Variants in WDPCP observed in about 807,000 individuals in gnomAD.
The protein encoded by WDPCP is WD repeat containing planar cell polarity effector.
WDPCP carries 71 observed loss-of-function variants against 93.1 expected under a neutral mutation model. The ratio of observed to expected loss-of-function variants is 0.76; its 90% CI spans 0.63 to 0.93. The LOEUF is 0.93. Among genes scored for constraint, WDPCP ranks in the 40% least tolerant of loss-of-function variants. The pLI, the probability that WDPCP is intolerant of heterozygous loss-of-function variation, is 0.00. For synonymous variants in WDPCP, 315 were observed against 315.0 expected (o/e 1.00, Z 0.00); for missense variants, 844 against 887.4 (o/e 0.95, Z 0.62).
chr2:63,253,033 A>G (rs535926759), intron 14 of WDPCP, among the ~76,000 whole-genome samples: 2 of 152,314 alleles, frequency 1.3e-5, no homozygotes, highest in South Asian at 4.1e-4. Context: ...GTCTGCAGTA[A>G]CCAAAACAAC....
intron 12 of WDPCP, among the ~76,000 whole-genome samples, chr2:63,363,361 G>A (rs1305588180): frequency 6.6e-6 from 1 of 152,100 alleles, no homozygotes; most frequent in Admixed American, 6.6e-5. Context: ...CACTTTGGGA[G>A]GCAGAGTTAG....
At chr2:63,541,665 T>C (rs992483980) in intron 1 of WDPCP, among the ~76,000 whole-genome samples, 1 of 152,230 alleles carries the variant, frequency 6.6e-6, no homozygotes, top group Non-Finnish European at 1.5e-5. Context: ...CATTATTTAA[T>C]GTTAAAGGTA....
chr2:63,415,273 G>A (rs924657122), intron 9 of WDPCP, among the ~76,000 whole-genome samples: 2 of 152,146 alleles, frequency 1.3e-5, no homozygotes, highest in Non-Finnish European at 2.9e-5. Context: ...TGAGGTGGGA[G>A]GATCACTTGA....
At chr2:63,753,976 A>C (rs1041116297) in intron 2 of WDPCP, among the ~76,000 whole-genome samples, 5 of 152,202 alleles carry the variant, frequency 3.3e-5, no homozygotes, top group Admixed American at 2.6e-4. Flanking sequence ...AAAACCTGTA[A>C]GTGAAGGAGA....
chr2:63,342,187 A>G (rs1688891464), intron 12 of WDPCP, among the ~76,000 whole-genome samples: 1 of 152,254 alleles, frequency 6.6e-6, no homozygotes. Context: ...CTGGAGACAG[A>G]GCTCAAGTGG....
chr2:63,345,140 C>T (rs986012126), intron 12 of WDPCP, among the ~76,000 whole-genome samples: 15 of 152,206 alleles, frequency 9.9e-5, no homozygotes, highest in South Asian at 2.1e-4. Context: ...ATTTATAAAC[C>T]GCAGTGTGGC....
At chr2:63,545,353 C>G (rs1279788790) in intron 1 of WDPCP, among the ~76,000 whole-genome samples, 1 of 146,982 alleles carries the variant, frequency 6.8e-6, no homozygotes, top group Non-Finnish European at 1.5e-5. Context: ...GAGAGAGAGA[C>G]AGAGAGAGAG....
intron 3 of WDPCP, among the ~76,000 whole-genome samples, chr2:63,601,037 A>G (rs1389873314): frequency 6.6e-6 from 1 of 152,222 alleles, no homozygotes; most frequent in Non-Finnish European, 1.5e-5. Context: ...TGCCTGAAAC[A>G]GTTCTCACTG....
Position 63,236,188 on chromosome 2 carries a change from C to T in WDPCP, c.1915+23119G>A, listed in dbSNP as rs114512994. Among the ~76,000 whole-genome samples, 776 of 152,198 alleles carry T rather than the reference C, an allele frequency of 5.1e-3. 4 individuals carry two copies. The highest frequency in any genetic ancestry group is 0.017 in the African/African-American group (725 of 41,540). ...CAGTGCCATTTCTATATCCCAATAACGTTCAAGCTGAGAGCCAAGTCAAGA... is the reference window on the plus strand; with the variant it reads ...CAGTGCCATTTCTATATCCCAATAATGTTCAAGCTGAGAGCCAAGTCAAGA... On this transcript the variant is annotated intron_variant, in intron 14 of 17. Transcript: ENST00000272321.
At chr2:63,484,484 G>A in intron 6 of WDPCP, 120 bp downstream of exon 6, 1 of 1,085,754 alleles carries the variant, frequency 9.2e-7, no homozygotes, top group Admixed American at 2.0e-5. Context: ...TTCAAACTAT[G>A]AAATAACCAC....
chr2:63,509,813 A>G (rs1281741431), intron 1 of WDPCP, among the ~76,000 whole-genome samples: 1 of 152,224 alleles, frequency 6.6e-6, no homozygotes, highest in South Asian at 2.1e-4. Context: ...CTCTACACAA[A>G]TAAACTAGAA....
At chr2:63,391,676 G>A (rs1398841638) in intron 10 of WDPCP, among the ~76,000 whole-genome samples, 2 of 152,140 alleles carry the variant, frequency 1.3e-5, no homozygotes, top group Non-Finnish European at 2.9e-5. Context: ...AAGCTGATAA[G>A]CAATGTCAGC....
chr2:63,355,342 C>T (rs775850764), intron 12 of WDPCP, among the ~76,000 whole-genome samples: 19 of 152,036 alleles, frequency 1.2e-4, no homozygotes, highest in Admixed American at 2.6e-4. Flanking sequence ...TTCTTGTTTG[C>T]GCCAAGCTAA....
chr2:63,408,006 T>C (rs914791261), intron 9 of WDPCP, among the ~76,000 whole-genome samples: 1 of 152,142 alleles, frequency 6.6e-6, no homozygotes, highest in Admixed American at 6.5e-5. Context: ...CCAGGCCTCC[T>C]TGTTTGCAAA....
At chr2:63,512,979 G>A (rs1702332505) in intron 1 of WDPCP, among the ~76,000 whole-genome samples, 1 of 151,948 alleles carries the variant, frequency 6.6e-6, no homozygotes, top group African/African-American at 2.4e-5. Flanking sequence ...AATGATGAAA[G>A]GAAATCCTAC....
At chr2:63,272,987 A>C (rs1183959168) in intron 13 of WDPCP, among the ~76,000 whole-genome samples, 1 of 152,198 alleles carries the variant, frequency 6.6e-6, no homozygotes, top group Non-Finnish European at 1.5e-5. Context: ...CAGAATTCTA[A>C]AAACAGCAAG....
At chr2:63,653,886 T>G (rs372501500) in intron 2 of WDPCP, among the ~76,000 whole-genome samples, 1 of 134,804 alleles carries the variant, frequency 7.4e-6, no homozygotes, top group Non-Finnish European at 1.5e-5. Flanking sequence ...CTCCAGCCTG[T>G]GCAACAGAGC....
rs140348638 is a variant in WDPCP, at chr2:63,214,570, A to G, written c.1916-39738T>C. Among the ~76,000 whole-genome samples, 323 of 152,248 alleles carry G rather than the reference A, an allele frequency of 2.1e-3. 2 individuals carry two copies. The highest frequency in any genetic ancestry group is 7.2e-3 in the African/African-American group (300 of 41,558). On this transcript the variant is annotated intron_variant, in intron 14 of 17. Coordinates refer to ENST00000272321, the MANE Select transcript of WDPCP (RefSeq NM_015910.7). ...CCCTTTGAAAACTGGCACAAGACAG[A>G]GATGCCCTCTCTCACCACTCCTATT...
rs141761524 is a variant in WDPCP at position 63,486,586 on chromosome 2, G to A, written c.209C>T (p.Ala70Val). Residue 70 changes from alanine to valine, a missense_variant and splice_region_variant, in exon 4 of 18, where the codon GCG becomes GTG. Ala to Val is a moderately conservative substitution (Grantham distance 64). Coordinates refer to ENST00000272321, the MANE Select transcript of WDPCP (RefSeq NM_015910.7). Reference protein sequence around the residue: ...YQYYDKKDPPATEHGNLEKKQ... With the variant: ...YQYYDKKDPPVTEHGNLEKKQ... The stretch of plus-strand genomic sequence containing the variant: ...CTTTTCTAAGTTACCATGCTCTGTC[G>A]CTGATATTGTGGCAGAAGGGATAGA... 38 of 1,573,354 alleles carry A rather than the reference G, an allele frequency of 2.4e-5. 1 individual carries two copies. The African/African-American group carries it at 2.7e-4, about 11-fold the overall frequency.
Sources: gnomAD v4.1 joint callset for allele counts (sites outside exome capture counted in the v4.1 genomes callset) on GRCh38, gnomAD v4.1.1 for gene constraint, MANE v1.5 for transcripts, NCBI Gene and HGNC (gene_info 2026-07-23, HGNC 2026-07-21) for gene names.